Variants in HECW1 observed in about 807,000 individuals in gnomAD.
HECW1 encodes the protein E3 ubiquitin-protein ligase HECW1.
HECW1 carries 61 observed loss-of-function variants against 182.3 expected under a neutral mutation model. The observed-to-expected ratio is 0.33, with a 90% CI of 0.27 to 0.41. The LOEUF is 0.41. HECW1 is among the 10% of genes least tolerant of loss of function. HECW1 has a pLI of 1.00. For synonymous variants in HECW1, 859 were observed against 832.6 expected (o/e 1.03, Z -0.55); for missense variants, 1,739 against 2,108.9 (o/e 0.82, Z 3.44).
At chr7:43,318,233 G>A (rs922347787) in intron 4 of HECW1, among the ~76,000 whole-genome samples, 5 of 152,192 alleles carry the variant, frequency 3.3e-5, no homozygotes, top group African/African-American at 1.2e-4. Flanking sequence ...TTGGAGAACT[G>A]CTATAATGAG....
chr7:43,354,153 T>A, intron 5 of HECW1, among the ~76,000 whole-genome samples: 2 of 145,952 alleles, frequency 1.4e-5, no homozygotes, highest in Non-Finnish European at 3.0e-5. Context: ...AACAGGTAAA[T>A]TACAAAGAAT....
chr7:43,410,368 A>G (rs1438671833), intron 8 of HECW1, among the ~76,000 whole-genome samples: 1 of 152,164 alleles, frequency 6.6e-6, no homozygotes, highest in African/African-American at 2.4e-5. Flanking sequence ...CACTCTTATA[A>G]GGACACTAAT....
chr7:43,483,158 G>A (rs765784036), intron 17 of HECW1, among the ~76,000 whole-genome samples: 5 of 152,158 alleles, frequency 3.3e-5, no homozygotes, highest in Admixed American at 6.5e-5. Flanking sequence ...ACTTTTTTAA[G>A]GGACCACTGA....
At chr7:43,430,591 GC>G (rs1363516951) in intron 8 of HECW1, among the ~76,000 whole-genome samples, 1 of 152,022 alleles carries the variant, frequency 6.6e-6, no homozygotes, top group Admixed American at 6.6e-5. Context: ...AGCTGTTTAA[GC>G]CGATTTGTCT....
chr7:43,350,351 T>G (rs2152805705), intron 5 of HECW1, among the ~76,000 whole-genome samples: 1 of 152,290 alleles, frequency 6.6e-6, no homozygotes, highest in African/African-American at 2.4e-5. Context: ...TAGGGGAAGA[T>G]CTTTTTGTGG....
At chr7:43,386,094 C>A (rs2074783798) in intron 6 of HECW1, among the ~76,000 whole-genome samples, 1 of 152,310 alleles carries the variant, frequency 6.6e-6, no homozygotes, top group Middle Eastern at 3.4e-3. Flanking sequence ...CGCCCACATT[C>A]CTTACCACGT....
chr7:43,198,483 A>T (rs971035152), intron 2 of HECW1, among the ~76,000 whole-genome samples: 1 of 149,980 alleles, frequency 6.7e-6, no homozygotes, highest in Non-Finnish European at 1.5e-5. Flanking sequence ...CACACCCCAC[A>T]CTCTCTCCTA....
intron 3 of HECW1, among the ~76,000 whole-genome samples, chr7:43,275,357 A>G (rs956663006): frequency 2.6e-5 from 4 of 152,192 alleles, no homozygotes; most frequent in African/African-American, 9.6e-5. Flanking sequence ...GTTGGCTGAA[A>G]AATACACATG....
At chr7:43,154,142 T>C (rs1789635776) in intron 2 of HECW1, among the ~76,000 whole-genome samples, 1 of 152,250 alleles carries the variant, frequency 6.6e-6, no homozygotes, top group African/African-American at 2.4e-5. Context: ...AAAATACTTA[T>C]TTACAATAGT....
At chr7:43,528,071 A>G (rs936450716) in intron 24 of HECW1, among the ~76,000 whole-genome samples, 13 of 152,208 alleles carry the variant, frequency 8.5e-5, no homozygotes, top group African/African-American at 3.1e-4. Flanking sequence ...TACTTTGATT[A>G]ATTTTGTAGA....
chr7:43,117,331 AT>A (rs932711066), intron 2 of HECW1, among the ~76,000 whole-genome samples: 1 of 151,768 alleles, frequency 6.6e-6, no homozygotes, highest in Non-Finnish European at 1.5e-5. Context: ...CTGGTTCCTC[AT>A]TTTGCTCTTT....
At chr7:43,473,919 AAAAGT>A (rs2078119568) in intron 16 of HECW1, among the ~76,000 whole-genome samples, 1 of 152,232 alleles carries the variant, frequency 6.6e-6, no homozygotes, top group Admixed American at 6.5e-5. Flanking sequence ...AGTAAAGTAA[AAAAGT>A]AAAGCCAAGC....
chr7:43,208,795 A>G (rs1795725773), intron 2 of HECW1, among the ~76,000 whole-genome samples: 1 of 152,082 alleles, frequency 6.6e-6, no homozygotes, highest in Admixed American at 6.5e-5. Flanking sequence ...CACCGAAGCA[A>G]CAAGCCAGCC....
intron 3 of HECW1, among the ~76,000 whole-genome samples, chr7:43,244,920 T>G (rs1389396635): frequency 6.6e-6 from 1 of 152,238 alleles, no homozygotes; most frequent in Admixed American, 6.5e-5. Context: ...AGTGTGTGCC[T>G]TGGTACGCGT....
At chr7:43,457,320 A>T (rs1207836964) in intron 13 of HECW1, among the ~76,000 whole-genome samples, 1 of 152,198 alleles carries the variant, frequency 6.6e-6, no homozygotes, top group Non-Finnish European at 1.5e-5. Flanking sequence ...TCTTGCTTTC[A>T]TGTCAAGTAT....
Position 43,254,157 on chromosome 7 carries a change from A to T in HECW1, c.27+10225A>T, listed in dbSNP as rs145808410. On this transcript the variant is annotated intron_variant, in intron 3 of 29. Coordinates refer to ENST00000395891, the MANE Select transcript of HECW1 (RefSeq NM_015052.5). ...TGAATATCCCCAGATTAGATGAACA[A>T]TTGCCTGGGAAGCGTCTTTGTTTCC... Among the ~76,000 whole-genome samples, 9 of 152,286 alleles carry T rather than the reference A, an allele frequency of 5.9e-5. No homozygotes were observed. In the East Asian group the frequency reaches 1.7e-3, roughly 29 times the overall value.
At chr7:43,534,283 C>T (rs1413483275) in intron 24 of HECW1, among the ~76,000 whole-genome samples, 1 of 152,214 alleles carries the variant, frequency 6.6e-6, no homozygotes, top group Non-Finnish European at 1.5e-5. Context: ...AGAGATTCCT[C>T]TTGCAGACTT....
intron 2 of HECW1, among the ~76,000 whole-genome samples, chr7:43,201,499 A>G (rs1478364534): frequency 1.3e-5 from 2 of 152,188 alleles, no homozygotes; most frequent in Admixed American, 6.5e-5. Context: ...GTAAACCTAT[A>G]ATATTTTTAG....
At chr7:43,251,902 T>C (rs56323436) in intron 3 of HECW1, among the ~76,000 whole-genome samples, 64,942 of 152,034 alleles carry the variant, frequency 0.43, 15,953 homozygotes, top group African/African-American at 0.68. Context: ...GGTGTAGAAA[T>C]TCAGCAATCG....
Sources: gnomAD v4.1 joint callset for allele counts (sites outside exome capture counted in the v4.1 genomes callset) on GRCh38, gnomAD v4.1.1 for gene constraint, MANE v1.5 for transcripts, NCBI Gene and HGNC (gene_info 2026-07-23, HGNC 2026-07-21) for gene names.